The following NCAM1 variants were observed in gnomAD, a reference collection of about 807,000 sequenced individuals.
NCAM1 encodes antigen recognized by monoclonal antibody 5.1H11.
In NCAM1, 14 loss-of-function variants were observed where a neutral mutation model predicts 109.8. That is an observed-to-expected ratio of 0.13 (90% CI 0.08 to 0.20). The LOEUF (loss-of-function observed/expected upper bound fraction) is 0.20. Among genes scored for constraint, NCAM1 ranks in the 10% least tolerant of loss-of-function variants. The pLI is 1.00. For missense variants in NCAM1, 774 were observed against 1,109.9 expected (o/e 0.70, Z 4.30); for synonymous variants, 418 against 442.9 (o/e 0.94, Z 0.70).
chr11:113,232,393 C>T, intron 11 of NCAM1, 39 bp downstream of exon 11: 1 of 1,553,782 alleles, frequency 6.4e-7, no homozygotes, highest in Non-Finnish European at 8.7e-7. Context: ...AGAGAAAGCA[C>T]AGTTTGACTC....
chr11:113,210,286 C>T (rs1328405228), intron 7 of NCAM1, among the ~76,000 whole-genome samples: 2 of 152,082 alleles, frequency 1.3e-5, no homozygotes, highest in Non-Finnish European at 2.9e-5. Flanking sequence ...TCTTTTAATC[C>T]TCATCACGCC....
chr11:113,117,840 ACAT>A (rs781900109), intron 1 of NCAM1, among the ~76,000 whole-genome samples: 2 of 151,962 alleles, frequency 1.3e-5, no homozygotes, highest in Non-Finnish European at 2.9e-5. Flanking sequence ...AAACTGCTTG[ACAT>A]TGTCTGAAAT....
chr11:113,248,592 C>T (rs1945569273), intron 15 of NCAM1, among the ~76,000 whole-genome samples: 1 of 152,116 alleles, frequency 6.6e-6, no homozygotes, highest in African/African-American at 2.4e-5. Flanking sequence ...GTGGGTTGTA[C>T]ACCCAACAAC....
At chr11:112,994,957 C>T (rs75769076) in intron 1 of NCAM1, among the ~76,000 whole-genome samples, 6,349 of 152,058 alleles carry the variant, frequency 0.042, 447 homozygotes, top group Admixed American at 0.14. Context: ...AACTCATGTG[C>T]TCTGTCACCC....
intron 1 of NCAM1, among the ~76,000 whole-genome samples, chr11:113,021,647 A>G (rs1197596562): frequency 6.6e-6 from 1 of 152,218 alleles, no homozygotes; most frequent in Non-Finnish European, 1.5e-5. Flanking sequence ...TGTCTCTGTT[A>G]CACAAAATGC....
At chr11:112,976,833 C>A (rs1951020954) in intron 1 of NCAM1, among the ~76,000 whole-genome samples, 1 of 151,764 alleles carries the variant, frequency 6.6e-6, no homozygotes, top group African/African-American at 2.4e-5. Flanking sequence ...AAAACTATAT[C>A]TGTAGAAGTT....
chr11:113,103,885 T>C (rs939228143), intron 1 of NCAM1, among the ~76,000 whole-genome samples: 7 of 152,262 alleles, frequency 4.6e-5, no homozygotes, highest in South Asian at 2.1e-4. Flanking sequence ...TATGTGATTT[T>C]CATAAATCAT....
intron 1 of NCAM1, among the ~76,000 whole-genome samples, chr11:113,185,084 A>ATATATATATAT (rs1565485449): frequency 5.4e-5 from 7 of 130,390 alleles, no homozygotes; most frequent in African/African-American, 2.0e-4. Flanking sequence ...ATATATAGAG[A>ATATATATATAT]GAGAGAGAGA....
At chr11:113,215,636 C>A (rs1944503729) in intron 8 of NCAM1, among the ~76,000 whole-genome samples, 1 of 152,226 alleles carries the variant, frequency 6.6e-6, no homozygotes, top group Admixed American at 6.5e-5. Context: ...ACAGAAATTG[C>A]TCTTCCAAAT....
Position 113,246,017 on chromosome 11 carries a change from C to G in NCAM1, c.1826-351C>G, listed in dbSNP as rs1453920713. 1.6e-5 allele frequency: 5 copies of G among 303,958 alleles called. No homozygotes were observed. In the Admixed American group the frequency reaches 2.4e-4, roughly 15 times the overall value. 18.8% of individuals were successfully genotyped at this position (303,958 alleles called of 1,614,324 possible). On this transcript the variant is annotated intron_variant, in intron 14 of 19. Transcript: ENST00000316851. ...CCCCATTTCAAAACAAGTTTACATG[C>G]TCCTGATGTGGTATTAATATGTAGT...
intron 14 of NCAM1, chr11:113,236,389 T>C: frequency 6.5e-7 from 1 of 1,537,180 alleles, no homozygotes; most frequent in South Asian, 1.1e-5. Flanking sequence ...GTAATTTAGT[T>C]CTGGTCCCTT....
At chr11:113,142,810 C>T (rs1025944369) in intron 1 of NCAM1, among the ~76,000 whole-genome samples, 11 of 152,104 alleles carry the variant, frequency 7.2e-5, no homozygotes, top group African/African-American at 2.4e-4. Context: ...AGGATACTAA[C>T]GTATCATTTC....
chr11:113,236,163 G>T, intron 14 of NCAM1: 1 of 844,090 alleles, frequency 1.2e-6, no homozygotes, highest in Non-Finnish European at 1.9e-6. Flanking sequence ...CTCTGGATTT[G>T]AAGTAATTTG....
Position 113,231,791 on chromosome 11 carries a change from G to A in NCAM1, c.1236G>A (p.Val412=), listed in dbSNP as rs782379549. 8.1e-6 allele frequency: 13 copies of A among 1,613,854 alleles called. No homozygotes were observed. The African/African-American group carries it at 9.3e-5, about 12-fold the overall frequency. Residue 412 remains valine (V), a synonymous_variant, in exon 10 of 20, where the codon GTG becomes GTA. Transcript: ENST00000316851. ...ACTCCCAGTCCATGTACCTTGAAGT[G>A]CAATGTAAGGAATAAATGGGGAAGG... ...GQDSQSMYLE[V]QYAPKLQGPV...
At chr11:112,981,507 A>G (rs1190712631) in intron 1 of NCAM1, among the ~76,000 whole-genome samples, 1 of 151,910 alleles carries the variant, frequency 6.6e-6, no homozygotes. Context: ...TTGCTTTTCT[A>G]GAATACTGGT....
At chr11:113,206,287 C>A in intron 5 of NCAM1, 107 bp downstream of exon 5, 3 of 1,196,174 alleles carry the variant, frequency 2.5e-6, no homozygotes, top group East Asian at 2.7e-5. Context: ...CCTGTCCTGA[C>A]TCAATCATCC....
At chr11:113,223,769 G>T (rs1944752046) in intron 9 of NCAM1, among the ~76,000 whole-genome samples, 1 of 152,208 alleles carries the variant, frequency 6.6e-6, no homozygotes, top group African/African-American at 2.4e-5. Flanking sequence ...AAGGCCAGGG[G>T]TTGTCCTTAA....
At chr11:113,053,361 A>G (rs1185600846) in intron 1 of NCAM1, among the ~76,000 whole-genome samples, 1 of 152,182 alleles carries the variant, frequency 6.6e-6, no homozygotes, top group African/African-American at 2.4e-5. Context: ...TAGTGCTGCA[A>G]TGAACATACA....
chr11:113,144,658 G>A (rs567437920), intron 1 of NCAM1, among the ~76,000 whole-genome samples: 1 of 152,106 alleles, frequency 6.6e-6, no homozygotes, highest in South Asian at 2.1e-4. Context: ...TATAAAGATC[G>A]GTTCAGCATT....
Sources: gnomAD v4.1 joint callset for allele counts (sites outside exome capture counted in the v4.1 genomes callset) on GRCh38, gnomAD v4.1.1 for gene constraint, MANE v1.5 for transcripts, NCBI Gene and HGNC (gene_info 2026-07-23, HGNC 2026-07-21) for gene names.